Variants in FMN1 observed in about 807,000 individuals in gnomAD.
The protein encoded by FMN1 is formin-1.
In FMN1, 110 loss-of-function variants were observed where a neutral mutation model predicts 132.4. The observed-to-expected ratio is 0.83, with a 90% CI of 0.71 to 0.97. The LOEUF (loss-of-function observed/expected upper bound fraction) is 0.97. Ranked by LOEUF, FMN1 falls within the 50% of genes least tolerant of loss-of-function variation. The probability of loss-of-function intolerance (pLI) is 0.00; values close to 1 mark genes in which losing one functional copy is unlikely to be tolerated. For missense variants in FMN1, 1,792 were observed against 1,705.3 expected, an observed-to-expected ratio of 1.05 and a Z score of -0.90; for synonymous variants, 722 against 651.7, an observed-to-expected ratio of 1.11 and a Z score of -1.64.
intron 5 of FMN1, among the ~76,000 whole-genome samples, chr15:33,079,839 T>TC (rs1472426147): frequency 2.0e-5 from 3 of 152,334 alleles, no homozygotes; most frequent in African/African-American, 7.2e-5. Context: ...ACTTTTTTTT[T>TC]CAACTGCTTT....
intron 3 of FMN1, among the ~76,000 whole-genome samples, chr15:33,178,076 A>G (rs1189772092): frequency 6.6e-6 from 1 of 152,182 alleles, no homozygotes; most frequent in Admixed American, 6.6e-5. Context: ...CATCAGGAAT[A>G]TGAAAACTAG....
intron 4 of FMN1, among the ~76,000 whole-genome samples, chr15:33,144,784 G>A (rs1017067956): frequency 3.3e-5 from 5 of 151,832 alleles, no homozygotes; most frequent in Non-Finnish European, 4.4e-5. Context: ...AATCCACATC[G>A]AATAAACAAC....
At chr15:32,875,717 C>T (rs2059620675) in intron 16 of FMN1, among the ~76,000 whole-genome samples, 1 of 152,200 alleles carries the variant, frequency 6.6e-6, no homozygotes, top group South Asian at 2.1e-4. Flanking sequence ...GGTTGACTGA[C>T]ATGAGAAGAA....
At chr15:32,782,986 G>A (rs185136596) in intron 19 of FMN1, among the ~76,000 whole-genome samples, 6 of 28,478 alleles carry the variant, frequency 2.1e-4, no homozygotes, top group Non-Finnish European at 3.7e-4. Flanking sequence ...AATAACAGAC[G>A]CTGGGGGTGG....
intron 6 of FMN1, among the ~76,000 whole-genome samples, chr15:33,023,703 C>T (rs2035529604): frequency 6.6e-6 from 1 of 152,002 alleles, no homozygotes; most frequent in African/African-American, 2.4e-5. Context: ...ACTGAAGAGA[C>T]CCTGGCATTG....
chr15:33,150,142 G>A (rs1454922150), intron 4 of FMN1: 24 of 985,316 alleles, frequency 2.4e-5, no homozygotes, highest in Non-Finnish European at 2.9e-5. Context: ...CAAGTATGGT[G>A]AGCCAAGCTC....
At chr15:32,924,591 T>C (rs181413230) in intron 10 of FMN1, among the ~76,000 whole-genome samples, 5 of 152,364 alleles carry the variant, frequency 3.3e-5, no homozygotes. Context: ...GAGATTGTAT[T>C]ATCACTCAGC....
chr15:32,902,736 T>C (rs1045373509), intron 12 of FMN1, among the ~76,000 whole-genome samples: 1 of 152,220 alleles, frequency 6.6e-6, no homozygotes, highest in African/African-American at 2.4e-5. Context: ...CTACACACAG[T>C]AGCTCACTGT....
At chr15:32,981,186 T>G (rs1449797641) in intron 7 of FMN1, among the ~76,000 whole-genome samples, 2 of 152,164 alleles carry the variant, frequency 1.3e-5, no homozygotes, top group Non-Finnish European at 2.9e-5. Flanking sequence ...AACTAAAATA[T>G]TACATTCAAA....
chr15:33,111,018 C>A (rs576892938), intron 4 of FMN1, among the ~76,000 whole-genome samples: 6 of 152,102 alleles, frequency 3.9e-5, no homozygotes, highest in African/African-American at 1.4e-4. Flanking sequence ...GAATTATAAA[C>A]TGCCATTCAA....
intron 4 of FMN1, among the ~76,000 whole-genome samples, chr15:33,099,616 T>G (rs780032963): frequency 1.3e-5 from 2 of 152,182 alleles, no homozygotes; most frequent in Admixed American, 6.5e-5. Flanking sequence ...CCAGGATGAA[T>G]TGATATGAAA....
chr15:32,928,091 A>G (rs531521627), intron 9 of FMN1, among the ~76,000 whole-genome samples: 2 of 152,334 alleles, frequency 1.3e-5, no homozygotes, highest in East Asian at 1.9e-4. Context: ...TTATTGCCAG[A>G]TATTTTTTTC....
At chr15:33,035,232 CACA>C (rs775244208) in intron 6 of FMN1, among the ~76,000 whole-genome samples, 3 of 152,006 alleles carry the variant, frequency 2.0e-5, no homozygotes, top group Admixed American at 6.6e-5. Context: ...TTAAGATATC[CACA>C]ACAACTATAA....
At chr15:32,808,729 C>A (rs1448149203) in intron 17 of FMN1, among the ~76,000 whole-genome samples, 1 of 152,152 alleles carries the variant, frequency 6.6e-6, no homozygotes, top group Non-Finnish European at 1.5e-5. Context: ...AGAATGGCAG[C>A]CATTTATTGT....
chr15:32,966,446 C>T (rs562023413), intron 8 of FMN1, among the ~76,000 whole-genome samples: 1 of 152,084 alleles, frequency 6.6e-6, no homozygotes, highest in East Asian at 1.9e-4. Flanking sequence ...GGTCAACTGA[C>T]CACTGAACAT....
intron 15 of FMN1, among the ~76,000 whole-genome samples, chr15:32,890,361 C>G (rs1306572585): frequency 6.6e-6 from 1 of 152,228 alleles, no homozygotes; most frequent in African/African-American, 2.4e-5. Flanking sequence ...GTTTTCCATA[C>G]TGACTGTACA....
chr15:32,771,719 C>G lies in FMN1; in HGVS notation c.*2591G>C, dbSNP rs1039280518. 2.6e-5 allele frequency: 4 copies of G among 152,260 alleles called. No homozygotes were observed. Among genetic ancestry groups the G allele is most frequent in the Non-Finnish European group, 4.4e-5 (3 of 68,084 alleles). 9.4% of individuals were successfully genotyped at this position (152,260 alleles called of 1,614,324 possible). On this transcript the variant is annotated 3_prime_UTR_variant, in exon 21 of 21. Coordinates refer to ENST00000616417, the MANE Select transcript of FMN1 (RefSeq NM_001277313.2). ...ATGTGCTTAAGCTGCCAAATGGCAT[C>G]CCGATCACCTCCTCTCCAGGAAAAG...
intron 6 of FMN1, among the ~76,000 whole-genome samples, chr15:33,027,142 G>C (rs1329872866): frequency 1.3e-5 from 2 of 151,994 alleles, no homozygotes; most frequent in African/African-American, 4.8e-5. Flanking sequence ...TATGGGAAGA[G>C]GTAAGCTCAC....
intron 5 of FMN1, among the ~76,000 whole-genome samples, chr15:33,069,228 A>C (rs2037889295): frequency 6.6e-6 from 1 of 152,214 alleles, no homozygotes; most frequent in Non-Finnish European, 1.5e-5. Context: ...AACTGGCAAC[A>C]AAGGATGGGG....
Sources: allele counts gnomAD v4.1 joint callset (sites outside exome capture counted in the v4.1 genomes callset), GRCh38; gene constraint gnomAD v4.1.1; transcripts MANE v1.5; gene names NCBI Gene and HGNC (gene_info 2026-07-23, HGNC 2026-07-21).